Variants in NFX1 observed in about 807,000 individuals in gnomAD.
NFX1 encodes nuclear transcription factor, X-box binding 1, also known as transcriptional repressor NF-X1.
In NFX1, 69 loss-of-function variants were observed where a neutral mutation model predicts 137.2. The ratio of observed to expected loss-of-function variants is 0.50; its 90% CI spans 0.41 to 0.61. The LOEUF (loss-of-function observed/expected upper bound fraction) is 0.61. Ranked by LOEUF, NFX1 falls within the 20% of genes least tolerant of loss-of-function variation. The pLI is 0.00. For synonymous variants in NFX1, 495 were observed against 474.1 expected, an observed-to-expected ratio of 1.04 and a Z score of -0.57; for missense variants, 1,167 against 1,391.0, an observed-to-expected ratio of 0.84 and a Z score of 2.56.
At chr9:33,309,969 C>A (rs768580361) in intron 5 of NFX1, among the ~76,000 whole-genome samples, 1 of 152,104 alleles carries the variant, frequency 6.6e-6, no homozygotes. Context: ...TTGTTTCACC[C>A]GAAAGGATTG....
At chr9:33,369,074 C>CT (rs1211285354) in intron 23 of NFX1, among the ~76,000 whole-genome samples, 14 of 150,642 alleles carry the variant, frequency 9.3e-5, no homozygotes, top group East Asian at 5.9e-4. Context: ...TTCTTTTTTT[C>CT]TTTTTTTTTG....
chr9:33,345,101 G>T (rs1056024496), intron 14 of NFX1, among the ~76,000 whole-genome samples: 1 of 152,112 alleles, frequency 6.6e-6, no homozygotes, highest in Non-Finnish European at 1.5e-5. Flanking sequence ...GGCAGAGGTT[G>T]CAGTGAGCCA....
At chr9:33,292,160 T>G (rs1194697718) in intron 1 of NFX1, among the ~76,000 whole-genome samples, 3 of 152,212 alleles carry the variant, frequency 2.0e-5, no homozygotes, top group Admixed American at 6.5e-5. Flanking sequence ...AACTTTGGTG[T>G]TGTGCCCAAG....
At chr9:33,323,763 A>AT (rs1224229767) in intron 9 of NFX1, among the ~76,000 whole-genome samples, 1 of 151,206 alleles carries the variant, frequency 6.6e-6, no homozygotes, top group Non-Finnish European at 1.5e-5. Flanking sequence ...AAAAAAAAAA[A>AT]CAAACAAAAA....
intron 7 of NFX1, among the ~76,000 whole-genome samples, chr9:33,316,497 G>A (rs12351910): frequency 0.068 from 10,411 of 152,002 alleles, 1,120 homozygotes; most frequent in African/African-American, 0.23. Context: ...ACAAATTTCT[G>A]TGGATCCCAG....
intron 4 of NFX1, 113 bp downstream of exon 4, chr9:33,303,381 C>T (rs1344193176): frequency 1.2e-6 from 1 of 843,400 alleles, no homozygotes; most frequent in Admixed American, 1.9e-5. Context: ...CTTCAAAGCT[C>T]TAGGAGTCTA....
At chr9:33,364,894 C>A in intron 21 of NFX1, 120 bp downstream of exon 21, 1 of 1,510,230 alleles carries the variant, frequency 6.6e-7, no homozygotes. Flanking sequence ...GTCACAACTT[C>A]TTTGAGGATC....
chr9:33,359,246 C>T (rs190525696), intron 19 of NFX1, among the ~76,000 whole-genome samples: 1 of 150,588 alleles, frequency 6.6e-6, no homozygotes, highest in Non-Finnish European at 1.5e-5. Context: ...ATTTCTTCTT[C>T]TTACCTCATT....
chr9:33,357,379 A>G (rs1823847326), intron 19 of NFX1, among the ~76,000 whole-genome samples: 1 of 152,110 alleles, frequency 6.6e-6, no homozygotes, highest in African/African-American at 2.4e-5. Flanking sequence ...ATCCTGTTCA[A>G]CTGCACTAGT....
chr9:33,369,646 T>C (rs1564155450), intron 23 of NFX1, among the ~76,000 whole-genome samples: 1 of 152,124 alleles, frequency 6.6e-6, no homozygotes, highest in Non-Finnish European at 1.5e-5. Flanking sequence ...AAAGGTTACC[T>C]CTAAACTGTA....
chr9:33,323,065 C>T (rs887874840), intron 9 of NFX1, among the ~76,000 whole-genome samples: 28 of 152,106 alleles, frequency 1.8e-4, no homozygotes, highest in Non-Finnish European at 3.7e-4. Flanking sequence ...TGAGACTGAG[C>T]GTAATCCAAA....
intron 12 of NFX1, 59 bp downstream of exon 12, chr9:33,338,648 A>T: frequency 7.0e-7 from 1 of 1,431,426 alleles, no homozygotes; most frequent in Non-Finnish European, 9.5e-7. Flanking sequence ...GGCTTCTGGA[A>T]GCCTGAGCCA....
At chr9:33,297,502 C>G (rs1821399684) in intron 2 of NFX1, among the ~76,000 whole-genome samples, 1 of 152,170 alleles carries the variant, frequency 6.6e-6, no homozygotes, top group Non-Finnish European at 1.5e-5. Context: ...ATTTACTATG[C>G]CACTGTTTCT....
intron 1 of NFX1, among the ~76,000 whole-genome samples, chr9:33,291,029 G>A (rs947351683): frequency 1.3e-5 from 2 of 152,222 alleles, no homozygotes; most frequent in East Asian, 1.9e-4. Context: ...TAGAGTCTCA[G>A]CCTGCTGCGA....
At chr9:33,324,855 G>A (rs1822519699) in intron 9 of NFX1, among the ~76,000 whole-genome samples, 1 of 151,966 alleles carries the variant, frequency 6.6e-6, no homozygotes, top group African/African-American at 2.4e-5. Context: ...TGTGAACCTG[G>A]GAGGCGGAGG....
intron 17 of NFX1, among the ~76,000 whole-genome samples, chr9:33,353,424 TTA>T (rs146161975): frequency 1.3e-5 from 2 of 150,724 alleles, no homozygotes; most frequent in Non-Finnish European, 1.5e-5. Flanking sequence ...GAATGAATGG[TTA>T]TATATATATA....
chr9:33,317,911 G>C (rs1822231237), intron 7 of NFX1, among the ~76,000 whole-genome samples: 1 of 141,006 alleles, frequency 7.1e-6, no homozygotes, highest in Non-Finnish European at 1.5e-5. Context: ...GGGAGGTGGA[G>C]GTTGCAGTGA....
rs561832113 is a variant in NFX1 at position 33,299,080 on chromosome 9, G to A, written c.1034-2183G>A. Among the ~76,000 whole-genome samples the A allele has an allele frequency of 9.8e-5, 15 of 152,320 alleles. No individual in the cohort carries two copies. The East Asian group carries it at 2.7e-3, about 27-fold the overall frequency. On this transcript the variant is annotated intron_variant, in intron 2 of 23. Transcript: ENST00000379540. ...GGAATAATTTCAGATTTATAGAAAAGTTGCAAAGATAGTTCAAAGAATTCC... is the reference window on the plus strand; with the variant it reads ...GGAATAATTTCAGATTTATAGAAAAATTGCAAAGATAGTTCAAAGAATTCC...
chr9:33,357,288 G>C (rs1823844001), intron 19 of NFX1, among the ~76,000 whole-genome samples: 1 of 151,668 alleles, frequency 6.6e-6, no homozygotes, highest in East Asian at 1.9e-4. Flanking sequence ...GGCGACAGTG[G>C]GAGACTCCGC....
Sources: gnomAD v4.1 joint callset for allele counts (sites outside exome capture counted in the v4.1 genomes callset) on GRCh38, gnomAD v4.1.1 for gene constraint, MANE v1.5 for transcripts, NCBI Gene and HGNC (gene_info 2026-07-23, HGNC 2026-07-21) for gene names.